The following CELF2 variants were observed in gnomAD, a reference collection of about 807,000 sequenced individuals.
The protein encoded by CELF2 is CUG triplet repeat RNA-binding protein 2.
Under a neutral mutation model 62.6 loss-of-function variants are expected in CELF2, and 8 were observed. The ratio of observed to expected loss-of-function variants is 0.13; its 90% confidence interval spans 0.07 to 0.23. The LOEUF is 0.23. CELF2 is among the 10% of genes least tolerant of loss of function. CELF2 has a pLI of 1.00. For synonymous variants in CELF2, 258 were observed against 250.0 expected (o/e 1.03, Z -0.30); for missense variants, 333 against 671.0 (o/e 0.50, Z 5.56).
At chr10:11,155,470 A>G (rs556708344) in intron 1 of CELF2, among the ~76,000 whole-genome samples, 43 of 152,274 alleles carry the variant, frequency 2.8e-4, no homozygotes, top group Non-Finnish European at 5.3e-4. Context: ...GAAAACCAAC[A>G]TGAGAGATCT....
the CELF2 span, among the ~76,000 whole-genome samples, chr10:10,689,403 C>G: frequency 2.6e-5 from 4 of 152,160 alleles, no homozygotes; most frequent in African/African-American, 9.7e-5. Flanking sequence ...CACCAGGTCC[C>G]TCCCCCAACA....
intron 2 of CELF2, among the ~76,000 whole-genome samples, chr10:11,202,378 GA>G (rs1249931754): frequency 6.6e-6 from 1 of 152,180 alleles, no homozygotes; most frequent in Non-Finnish European, 1.5e-5. Context: ...ATCCCAAAAA[GA>G]AAGGATGGAA....
At chr10:11,050,655 G>A (rs1222674456) in intron 1 of CELF2, among the ~76,000 whole-genome samples, 1 of 152,138 alleles carries the variant, frequency 6.6e-6, no homozygotes, top group Non-Finnish European at 1.5e-5. Flanking sequence ...ATCAGTCCCT[G>A]CCTTTCCATT....
At chr10:10,968,581 G>A (rs2050405188) in intron 2 of CELF2, among the ~76,000 whole-genome samples, 1 of 152,110 alleles carries the variant, frequency 6.6e-6, no homozygotes, top group African/African-American at 2.4e-5. Flanking sequence ...GATGACTTTT[G>A]AAAAGCGTAA....
intron 2 of CELF2, among the ~76,000 whole-genome samples, chr10:11,198,110 A>G (rs1414171522): frequency 6.6e-6 from 1 of 152,240 alleles, no homozygotes; most frequent in African/African-American, 2.4e-5. Flanking sequence ...TCTGGAACCC[A>G]CTGGTACACA....
chr10:11,156,021 C>T lies in CELF2; in HGVS notation c.75-9465C>T, dbSNP rs370792556. On this transcript the variant is annotated intron_variant, in intron 1 of 12. Transcript: ENST00000633077. The surrounding 1 kb of genome is among the most constrained non-coding windows in gnomAD (Gnocchi z 4.3). Reference sequence around the variant, plus strand: ...ATTTAACAGAAAAGTAGGTGGAGTTCTGAATGCCGGGCAAGCACAAAGGTC... The same window carrying T: ...ATTTAACAGAAAAGTAGGTGGAGTTTTGAATGCCGGGCAAGCACAAAGGTC... 3.3e-5 allele frequency among the ~76,000 whole-genome samples: 5 copies of T among 152,170 alleles called. No homozygotes were observed. Among genetic ancestry groups the T allele is most frequent in the African/African-American group, 1.2e-4 (5 of 41,434 alleles).
At chr10:10,682,581 G>T in the CELF2 span, among the ~76,000 whole-genome samples, 1 of 152,054 alleles carries the variant, frequency 6.6e-6, no homozygotes, top group African/African-American at 2.4e-5. Flanking sequence ...TATTCCCTTG[G>T]CTTTGGTTTT....
chr10:10,774,657 G>A, the CELF2 span, among the ~76,000 whole-genome samples: 2 of 152,108 alleles, frequency 1.3e-5, no homozygotes, highest in Non-Finnish European at 2.9e-5. Context: ...AGTGCTTCCC[G>A]CACAGCCTGA....
At chr10:10,845,871 C>T (rs775662386) in intron 1 of CELF2, among the ~76,000 whole-genome samples, 10 of 151,986 alleles carry the variant, frequency 6.6e-5, no homozygotes, top group East Asian at 3.8e-4. Flanking sequence ...ATATCTGATG[C>T]GATTTCTTTT....
intron 8 of CELF2, among the ~76,000 whole-genome samples, chr10:11,282,413 C>T (rs1229633825): frequency 6.6e-6 from 1 of 152,158 alleles, no homozygotes; most frequent in Non-Finnish European, 1.5e-5. Flanking sequence ...ATGCCCGTTT[C>T]CTCTGTAACA....
Position 10,974,490 on chromosome 10 carries a change from T to C in CELF2, c.89+54491T>C, listed in dbSNP as rs946465610. On this transcript the variant is annotated intron_variant, in intron 2 of 13. Coordinates refer to the CELF2 transcript ENST00000636488. ...CTGGATTTGGGTTCTAAAGCCTCAT[T>C]TGAGTCTCTTACATAATAAAAAATC... 3.3e-5 allele frequency among the ~76,000 whole-genome samples: 5 copies of C among 152,342 alleles called. No homozygotes were observed. In the East Asian group the frequency reaches 9.6e-4, roughly 29 times the overall value.
At chr10:10,942,470 G>A (rs2047159275) in intron 2 of CELF2, among the ~76,000 whole-genome samples, 1 of 152,172 alleles carries the variant, frequency 6.6e-6, no homozygotes, top group Non-Finnish European at 1.5e-5. Flanking sequence ...CTGTTGCCTG[G>A]GACCACCCTC....
chr10:10,878,029 C>T (rs1426095543), intron 1 of CELF2, among the ~76,000 whole-genome samples: 2 of 152,138 alleles, frequency 1.3e-5, no homozygotes, highest in African/African-American at 2.4e-5. Flanking sequence ...AACAGACCAA[C>T]GGAGGGGACC....
At chr10:10,802,099 A>T (rs1441548626) in intron 1 of CELF2, among the ~76,000 whole-genome samples, 4 of 152,240 alleles carry the variant, frequency 2.6e-5, no homozygotes, top group Non-Finnish European at 5.9e-5. Context: ...CTGCATTCAA[A>T]GAAAAAAATT....
intron 9 of CELF2, among the ~76,000 whole-genome samples, chr10:11,308,286 G>T (rs940909197): frequency 4.6e-5 from 7 of 152,226 alleles, no homozygotes; most frequent in South Asian, 4.1e-4. Flanking sequence ...TCTTGCATGT[G>T]TGGATTATTG....
chr10:10,629,041 A>G, the CELF2 span, among the ~76,000 whole-genome samples: 74 of 152,274 alleles, frequency 4.9e-4, no homozygotes, highest in African/African-American at 1.6e-3. Context: ...AAGACAGGGT[A>G]TTCCACTCTC....
At position 11,273,320 on chromosome 10, in the gene CELF2, G is replaced by A. The variant is rs576099414; in HGVS notation, c.778-1737G>A. ...CGTTACTGCCTGAGCCCCACCTCCC[G>A]TCAGATCAGCGGCAGCCTTGGAATC... is the stretch of plus-strand genomic sequence containing the variant. On this transcript the variant is annotated intron_variant, in intron 7 of 12. Coordinates refer to ENST00000633077, the MANE Select transcript of CELF2 (RefSeq NM_001326342.2). Among the ~76,000 whole-genome samples the A allele has an allele frequency of 1.2e-4, 18 of 152,200 alleles. No homozygotes were observed. In the South Asian group the frequency reaches 1.9e-3, roughly 16 times the overall value.
chr10:11,095,242 T>A (rs927799100), intron 1 of CELF2, among the ~76,000 whole-genome samples: 1 of 152,212 alleles, frequency 6.6e-6, no homozygotes, highest in Non-Finnish European at 1.5e-5. Flanking sequence ...GAGAGAAGCA[T>A]GCACATGTAA....
intron 2 of CELF2, among the ~76,000 whole-genome samples, chr10:11,206,460 A>C (rs1172253925): frequency 6.6e-6 from 1 of 152,200 alleles, no homozygotes; most frequent in African/African-American, 2.4e-5. Flanking sequence ...AATCCTTCTT[A>C]ATTGGATTCA....
Sources: gnomAD v4.1 joint callset for allele counts (sites outside exome capture counted in the v4.1 genomes callset) on GRCh38, gnomAD v4.1.1 for gene constraint, Gnocchi (gnomAD v3.1) non-coding constraint, MANE v1.5 for transcripts, NCBI Gene and HGNC (gene_info 2026-07-23, HGNC 2026-07-21) for gene names.